The following INSL6 variants were observed in gnomAD, a reference collection of about 807,000 sequenced individuals.
INSL6 encodes the protein insulin like 6, also known as insulin-like peptide INSL6.
A neutral mutation model predicts 9.4 loss-of-function variants in INSL6; 16 were observed. The observed-to-expected ratio is 1.70, with a 90% CI of 1.15 to 2.59. The LOEUF (loss-of-function observed/expected upper bound fraction) is 2.59, where lower values mean the gene tolerates loss of function less well. Ranked by LOEUF, INSL6 falls within the 30% of genes most tolerant of loss-of-function variation. INSL6 has a pLI of 0.00. For synonymous variants in INSL6, 154 were observed against 96.9 expected (o/e 1.59, Z -3.46); for missense variants, 391 against 257.3 (o/e 1.52, Z -3.56).
the INSL6 span, among the ~76,000 whole-genome samples, chr9:5,027,201 C>G: frequency 6.6e-6 from 1 of 152,180 alleles, no homozygotes; most frequent in Non-Finnish European, 1.5e-5. Context: ...TTTTAAAATA[C>G]TGACACACCT....
At chr9:5,179,334 C>T (rs963417223) in intron 1 of INSL6, among the ~76,000 whole-genome samples, 7 of 152,064 alleles carry the variant, frequency 4.6e-5, no homozygotes, top group Non-Finnish European at 8.8e-5. Context: ...GTCAGAATGG[C>T]TATTATTAAA....
chr9:5,009,987 A>C, the INSL6 span, among the ~76,000 whole-genome samples: 21 of 152,174 alleles, frequency 1.4e-4, no homozygotes, highest in African/African-American at 5.1e-4. Context: ...TGCCGGGGCT[A>C]GTCTTGAGCT....
In INSL6 at chr9:5,151,644, G is replaced by A. The variant is rs188719843; in HGVS notation, c.376+12535C>T. Among the ~76,000 whole-genome samples, 24 of 152,000 alleles carry A rather than the reference G, an allele frequency of 1.6e-4. No homozygotes were observed. In the East Asian group the frequency reaches 3.3e-3, roughly 21 times the overall value. ...AAATGCTGAAGCAATCACCAAAAAC[G>A]AAAGTTTAAAGATAAATAAATAACC... On this transcript the variant is annotated intron_variant, in intron 2 of 3. Transcript: ENST00000649639.
the INSL6 span, among the ~76,000 whole-genome samples, chr9:5,033,393 C>T: frequency 1.3e-5 from 2 of 152,116 alleles, no homozygotes; most frequent in Non-Finnish European, 2.9e-5. Context: ...GAGAGAACGC[C>T]ACAAAGATAC....
chr9:5,034,753 A>C, the INSL6 span, among the ~76,000 whole-genome samples: 2 of 152,164 alleles, frequency 1.3e-5, no homozygotes, highest in Non-Finnish European at 2.9e-5. Context: ...GTAGAGGGAA[A>C]TTTATAGCAC....
chr9:5,074,803 A>G, the INSL6 span, among the ~76,000 whole-genome samples: 1 of 152,214 alleles, frequency 6.6e-6, no homozygotes, highest in Non-Finnish European at 1.5e-5. Context: ...GCAGTTATCC[A>G]GAAGATCTAG....
At chr9:5,140,173 ATAT>A (rs1442465439) in intron 2 of INSL6, among the ~76,000 whole-genome samples, 2 of 152,172 alleles carry the variant, frequency 1.3e-5, no homozygotes, top group Non-Finnish European at 2.9e-5. Flanking sequence ...AACCTGGGAA[ATAT>A]TAACCTAGAA....
chr9:5,152,863 G>A (rs575588064), intron 2 of INSL6, among the ~76,000 whole-genome samples: 126 of 152,146 alleles, frequency 8.3e-4, no homozygotes, highest in Non-Finnish European at 1.5e-3. Flanking sequence ...TCATCTCATT[G>A]GGACTGGTTA....
At chr9:5,059,974 G>A in the INSL6 span, among the ~76,000 whole-genome samples, 6 of 152,028 alleles carry the variant, frequency 3.9e-5, no homozygotes, top group Admixed American at 6.6e-5. Flanking sequence ...ATAGACATAC[G>A]TCAGAGATAT....
At chr9:5,116,843 A>G in the INSL6 span, among the ~76,000 whole-genome samples, 3 of 152,252 alleles carry the variant, frequency 2.0e-5, no homozygotes, top group African/African-American at 7.2e-5. Context: ...AGTCATATGT[A>G]TAATATGGCA....
downstream of INSL6, among the ~76,000 whole-genome samples, chr9:5,159,764 A>G (rs1472510110): frequency 6.6e-6 from 1 of 152,248 alleles, no homozygotes; most frequent in Non-Finnish European, 1.5e-5. Context: ...ACAAAGAAAC[A>G]TTGGACTTAA....
At chr9:5,131,598 C>T (rs758592896) in intron 3 of INSL6, among the ~76,000 whole-genome samples, 107 of 151,810 alleles carry the variant, frequency 7.0e-4, no homozygotes, top group African/African-American at 1.7e-3. Context: ...CCACCACGCC[C>T]GGCTAATTTT....
At chr9:5,046,620 C>T in the INSL6 span, among the ~76,000 whole-genome samples, 6 of 152,098 alleles carry the variant, frequency 3.9e-5, no homozygotes, top group African/African-American at 1.4e-4. Flanking sequence ...TGTGAATATC[C>T]AGTTTTCCTA....
intron 1 of INSL6, among the ~76,000 whole-genome samples, chr9:5,177,286 A>C (rs948509899): frequency 3.3e-5 from 5 of 152,184 alleles, no homozygotes; most frequent in African/African-American, 1.2e-4. Flanking sequence ...AGGGAGCCAA[A>C]GGAAACTCAC....
At chr9:5,145,240 A>G (rs1312155254) in intron 2 of INSL6, among the ~76,000 whole-genome samples, 2 of 151,226 alleles carry the variant, frequency 1.3e-5, no homozygotes, top group Admixed American at 6.6e-5. Flanking sequence ...TTGGCCAGAT[A>G]TGAAATTCTG....
chr9:5,072,571 A>C, the INSL6 span: 1 of 1,611,442 alleles, frequency 6.2e-7, no homozygotes, highest in East Asian at 2.2e-5. Flanking sequence ...GGTCAACTGC[A>C]TGAAACAGAA....
intron 1 of INSL6, among the ~76,000 whole-genome samples, chr9:5,177,875 T>C (rs893162598): frequency 6.6e-6 from 1 of 151,774 alleles, no homozygotes; most frequent in Non-Finnish European, 1.5e-5. Context: ...CTTCTTTCTT[T>C]TTCTTCTTTT....
intron 2 of INSL6, among the ~76,000 whole-genome samples, chr9:5,134,519 G>C (rs1326566161): frequency 1.3e-5 from 2 of 152,206 alleles, no homozygotes; most frequent in Middle Eastern, 3.2e-3. Context: ...CAAGCCAGAA[G>C]AGAGTGGGGG....
intron 2 of INSL6, among the ~76,000 whole-genome samples, chr9:5,151,622 T>C (rs1334152589): frequency 2.6e-5 from 4 of 152,166 alleles, no homozygotes; most frequent in East Asian, 3.9e-4. Context: ...ATATTGTAAA[T>C]GCTGAAGCAA....
Sources: gnomAD v4.1 joint callset for allele counts (sites outside exome capture counted in the v4.1 genomes callset) on GRCh38, gnomAD v4.1.1 for gene constraint, MANE v1.5 for transcripts, NCBI Gene and HGNC (gene_info 2026-07-23, HGNC 2026-07-21) for gene names.